The following ZBTB46 variants were observed in gnomAD, a reference collection of about 807,000 sequenced individuals.
The protein encoded by ZBTB46 is zinc finger and BTB domain containing 46, also known as zinc finger and BTB domain-containing protein 46.
ZBTB46 carries 8 observed loss-of-function variants against 44.1 expected under a neutral mutation model. That is an observed-to-expected ratio of 0.18 (90% confidence interval 0.11 to 0.33). ZBTB46 has a LOEUF of 0.33. Ranked by LOEUF, ZBTB46 falls within the 10% of genes least tolerant of loss-of-function variation. The pLI is 1.00. For missense variants in ZBTB46, 651 were observed against 847.7 expected (o/e 0.77, Z 2.88); for synonymous variants, 409 against 382.3 (o/e 1.07, Z -0.81).
At position 63,746,960 on chromosome 20, in the gene ZBTB46, G is replaced by C. The variant is rs1284008812; in HGVS notation, c.1740C>G (p.Gly580=). 2 of 1,588,210 alleles carry C rather than the reference G, an allele frequency of 1.3e-6. No homozygotes were observed. The highest frequency in any genetic ancestry group is 3.5e-5 in the Admixed American group (2 of 57,568). Reference sequence around the variant, plus strand: ...AGAGCCAGGCGAAGTCCTTGTCAGGGCCTCCTGGGGGGCTGCGCGGCCGCG... The same window carrying C: ...AGAGCCAGGCGAAGTCCTTGTCAGGCCCTCCTGGGGGGCTGCGCGGCCGCG... ...DSPRPRSPPG[G]PDKDFAWLS The change falls in exon 5 of 5, where the codon GGC becomes GGG. Residue 580 remains glycine, a synonymous_variant. Coordinates refer to ENST00000245663, the MANE Select transcript of ZBTB46 (RefSeq NM_001369741.1).
chr20:63,800,611 G>A (rs1045268561), intron 1 of ZBTB46, among the ~76,000 whole-genome samples: 3 of 152,248 alleles, frequency 2.0e-5, no homozygotes, highest in African/African-American at 7.2e-5. Context: ...TTGCGGGCCA[G>A]CTAGAGTTCC....
chr20:63,789,800 C>A (rs773177832), intron 2 of ZBTB46, 21 bp downstream of exon 2: 1 of 1,589,614 alleles, frequency 6.3e-7, no homozygotes, highest in Non-Finnish European at 8.5e-7. Flanking sequence ...GCTGAGCCCC[C>A]GTAACGAGTG....
At chr20:63,816,475 T>A (rs1033880421) in intron 1 of ZBTB46, 1 of 154,306 alleles carries the variant, frequency 6.5e-6, no homozygotes, top group African/African-American at 2.4e-5. Context: ...CAGGGCTGCG[T>A]GCACACTGGC....
intron 3 of ZBTB46, among the ~76,000 whole-genome samples, chr20:63,760,677 C>T (rs1287380413): frequency 6.6e-6 from 1 of 151,992 alleles, no homozygotes; most frequent in Non-Finnish European, 1.5e-5. Flanking sequence ...AGGATGGTCT[C>T]GGATCTCCTG....
intron 1 of ZBTB46, chr20:63,814,911 T>A (rs1386183988): frequency 6.5e-6 from 1 of 152,804 alleles, no homozygotes; most frequent in Non-Finnish European, 1.5e-5. Context: ...GCACTAAAAA[T>A]GCTATTGTGA....
rs117364470 is a variant in ZBTB46, at chr20:63,809,163, T to C, written c.-33-18373A>G. Among the ~76,000 whole-genome samples the C allele has an allele frequency of 9.5e-3, 1,438 of 152,070 alleles. 6 individuals carry two copies. The highest frequency in any genetic ancestry group is 0.015 in the Non-Finnish European group (1,026 of 67,936). ...CCGCAGCGCCTGGGGCACTTCGCCA[T>C]GGGCTTGGCCGAAGTGGGCACTAAA... On this transcript the variant is annotated intron_variant, in intron 1 of 4. Coordinates refer to ENST00000245663, the MANE Select transcript of ZBTB46 (RefSeq NM_001369741.1).
At chr20:63,764,553 G>C (rs927317284) in intron 3 of ZBTB46, among the ~76,000 whole-genome samples, 7 of 152,018 alleles carry the variant, frequency 4.6e-5, no homozygotes, top group Non-Finnish European at 1.0e-4. Flanking sequence ...TGTAGTTTCT[G>C]GGAAAGTCAG....
At chr20:63,765,545 C>T (rs935367062) in intron 3 of ZBTB46, among the ~76,000 whole-genome samples, 4 of 152,370 alleles carry the variant, frequency 2.6e-5, no homozygotes, top group East Asian at 1.9e-4. Context: ...CCTCCCTCCT[C>T]GGCCTGCCGA....
chr20:63,800,591 C>T (rs1601499327), intron 1 of ZBTB46, among the ~76,000 whole-genome samples: 1 of 152,222 alleles, frequency 6.6e-6, no homozygotes, highest in Non-Finnish European at 1.5e-5. Flanking sequence ...ACCGGGGCTG[C>T]GTGCGGCGCT....
At chr20:63,770,970 AGCAGCCACGCCGC>A in intron 3 of ZBTB46, among the ~76,000 whole-genome samples, 2 of 127,970 alleles carry the variant, frequency 1.6e-5, no homozygotes, top group Non-Finnish European at 3.4e-5. Context: ...CGCCCGGCAC[AGCAGCCACGCCGC>A]TCGAACCACA....
intron 1 of ZBTB46, among the ~76,000 whole-genome samples, chr20:63,827,089 C>T (rs1348194853): frequency 6.6e-6 from 1 of 152,134 alleles, no homozygotes; most frequent in East Asian, 1.9e-4. Flanking sequence ...CACAGCAGTC[C>T]AGGCACCCTC....
At chr20:63,776,766 T>C (rs1248268429) in intron 2 of ZBTB46, among the ~76,000 whole-genome samples, 2 of 150,068 alleles carry the variant, frequency 1.3e-5, no homozygotes, top group East Asian at 3.9e-4. Context: ...ATCACACCAC[T>C]GCACTCTAGC....
chr20:63,746,969 G>T lies in ZBTB46; in HGVS notation c.1731C>A (p.Pro577=). 6.3e-7 allele frequency: 1 copy of T among 1,598,134 alleles called. No homozygotes were observed. ...CGAAGTCCTTGTCAGGGCCTCCTGG[G>T]GGGCTGCGCGGCCGCGGCGAGTCTT... is the stretch of plus-strand genomic sequence containing the variant. ...DEEDSPRPRS[P]PGGPDKDFAW... The change falls in exon 5 of 5, where the codon CCC becomes CCA. Residue 577 remains proline (P), a synonymous_variant. Coordinates refer to ENST00000245663, the MANE Select transcript of ZBTB46 (RefSeq NM_001369741.1).
chr20:63,820,884 A>G (rs1600723503), intron 1 of ZBTB46, among the ~76,000 whole-genome samples: 1 of 146,994 alleles, frequency 6.8e-6, no homozygotes, highest in African/African-American at 2.5e-5. Context: ...GTCTGCCCCC[A>G]TGCATGGCTA....
chr20:63,810,693 C>T (rs918061165), intron 1 of ZBTB46, among the ~76,000 whole-genome samples: 2 of 152,128 alleles, frequency 1.3e-5, no homozygotes, highest in Admixed American at 1.3e-4. Flanking sequence ...TTACAGTGAG[C>T]CAAAATTGTG....
At chr20:63,829,982 T>C (rs866207375) in intron 1 of ZBTB46, among the ~76,000 whole-genome samples, 1 of 152,366 alleles carries the variant, frequency 6.6e-6, no homozygotes, top group South Asian at 2.1e-4. Flanking sequence ...TTAGCATTTC[T>C]TTAAACAATG....
chr20:63,804,244 G>A (rs920256270), intron 1 of ZBTB46, among the ~76,000 whole-genome samples: 1 of 152,174 alleles, frequency 6.6e-6, no homozygotes, highest in East Asian at 1.9e-4. Flanking sequence ...TGCCTGGCTC[G>A]GGCCATGTGT....
At chr20:63,799,842 C>T (rs983072296) in intron 1 of ZBTB46, among the ~76,000 whole-genome samples, 5 of 152,168 alleles carry the variant, frequency 3.3e-5, no homozygotes, top group African/African-American at 1.2e-4. Flanking sequence ...ACACGAGCAC[C>T]TGGAGCCTGC....
intron 1 of ZBTB46, among the ~76,000 whole-genome samples, chr20:63,820,125 GCT>G (rs879895339): frequency 6.6e-6 from 1 of 150,978 alleles, no homozygotes; most frequent in Non-Finnish European, 1.5e-5. Context: ...ACGAAGTCTC[GCT>G]CTGTCACCCA....
Sources: gnomAD v4.1 joint callset for allele counts (sites outside exome capture counted in the v4.1 genomes callset) on GRCh38, gnomAD v4.1.1 for gene constraint, MANE v1.5 for transcripts, NCBI Gene and HGNC (gene_info 2026-07-23, HGNC 2026-07-21) for gene names.